The following NAT1 variants were observed in gnomAD, a reference collection of about 807,000 sequenced individuals.
NAT1 encodes the protein N-acetyltransferase 1, also known as arylamine N-acetyltransferase 1.
For missense variants in NAT1, 400 were observed against 339.2 expected (o/e 1.18, Z -1.41); for synonymous variants, 144 against 122.6 (o/e 1.17, Z -1.16).
chr8:18,184,423 G>A (rs986954259), intron 2 of NAT1, among the ~76,000 whole-genome samples: 1 of 152,126 alleles, frequency 6.6e-6, no homozygotes, highest in Non-Finnish European at 1.5e-5. Context: ...TGTGATTAGA[G>A]GGGCAGCCTT....
Position 18,223,008 on chromosome 8 carries a change from C to T in NAT1, c.*88C>T. 1 of 1,083,578 alleles carries T rather than the reference C, an allele frequency of 9.2e-7. No homozygotes were observed. The highest frequency in any genetic ancestry group is 1.2e-6 in the Non-Finnish European group (1 of 818,552). 67.1% of individuals were successfully genotyped at this position (1,083,578 alleles called of 1,614,324 possible). On this transcript the variant is annotated 3_prime_UTR_variant, in exon 3 of 3. Coordinates refer to ENST00000307719, the MANE Select transcript of NAT1 (RefSeq NM_000662.8). The stretch of plus-strand genomic sequence containing the variant: ...TATCATGTATCTTCTGTACCCTTAC[C>T]TTATTTTGAAGAAAATCCTAGACAT...
chr8:18,213,570 T>C (rs913977685), intron 1 of NAT1, among the ~76,000 whole-genome samples: 5 of 152,128 alleles, frequency 3.3e-5, no homozygotes, highest in Non-Finnish European at 7.4e-5. Context: ...ATAGCTTTTC[T>C]TTGTCTCACT....
At chr8:18,219,623 A>G in intron 2 of NAT1, 134 bp downstream of exon 2, 1 of 562,508 alleles carries the variant, frequency 1.8e-6, no homozygotes, top group Non-Finnish European at 3.2e-6. Context: ...AAGTGGATAT[A>G]TAAAGCTAAT....
intron 2 of NAT1, among the ~76,000 whole-genome samples, chr8:18,190,401 T>C (rs183208178): frequency 1.1e-4 from 17 of 152,262 alleles, no homozygotes; most frequent in African/African-American, 1.9e-4. Context: ...AGTATTTAAA[T>C]TGTGGCCACA....
chr8:18,208,325 C>A (rs1242580204), upstream of NAT1, among the ~76,000 whole-genome samples: 1 of 151,916 alleles, frequency 6.6e-6, no homozygotes, highest in Admixed American at 6.6e-5. Flanking sequence ...AAAAAATAAG[C>A]CTAAAAGGAA....
chr8:18,206,736 G>A (rs529901995), upstream of NAT1, among the ~76,000 whole-genome samples: 19 of 152,098 alleles, frequency 1.2e-4, no homozygotes, highest in African/African-American at 3.4e-4. Context: ...TGGATAGATT[G>A]CAAAAATTTT....
intron 2 of NAT1, among the ~76,000 whole-genome samples, chr8:18,177,245 C>A (rs559781975): frequency 6.6e-6 from 1 of 151,916 alleles, no homozygotes; most frequent in Non-Finnish European, 1.5e-5. Context: ...CCTCTTTTAC[C>A]TATCCCACTA....
intron 1 of NAT1, among the ~76,000 whole-genome samples, chr8:18,215,573 T>G (rs1804571220): frequency 6.6e-6 from 1 of 152,224 alleles, no homozygotes; most frequent in African/African-American, 2.4e-5. Context: ...TTTAGCTGTT[T>G]TTTATTGAGT....
intron 2 of NAT1, among the ~76,000 whole-genome samples, chr8:18,176,410 T>C (rs1299411302): frequency 6.6e-6 from 1 of 152,154 alleles, no homozygotes; most frequent in Non-Finnish European, 1.5e-5. Context: ...TGCATATGAG[T>C]GTGAGATAAG....
chr8:18,180,947 A>G (rs1454079464), intron 2 of NAT1, among the ~76,000 whole-genome samples: 2 of 152,050 alleles, frequency 1.3e-5, no homozygotes, highest in Non-Finnish European at 2.9e-5. Context: ...TGATGCTTCT[A>G]GTTATATTCT....
intron 2 of NAT1, among the ~76,000 whole-genome samples, chr8:18,181,046 A>T (rs1802491027): frequency 6.6e-6 from 1 of 151,970 alleles, no homozygotes; most frequent in Admixed American, 6.6e-5. Flanking sequence ...GAAGTATGTC[A>T]TTGGTATTTT....
chr8:18,187,479 A>G (rs141076100), intron 2 of NAT1, among the ~76,000 whole-genome samples: 157 of 152,308 alleles, frequency 1.0e-3, no homozygotes, highest in African/African-American at 3.6e-3. Context: ...TGGCTTTTAA[A>G]AATGTGTATG....
chr8:18,211,727 G>A (rs1357117114), intron 1 of NAT1, among the ~76,000 whole-genome samples: 1 of 152,180 alleles, frequency 6.6e-6, no homozygotes, highest in Non-Finnish European at 1.5e-5. Flanking sequence ...GCTGGCTTAG[G>A]AGGGGGCTAG....
intron 1 of NAT1, among the ~76,000 whole-genome samples, chr8:18,217,365 G>A (rs1450749911): frequency 6.6e-6 from 1 of 152,220 alleles, no homozygotes; most frequent in Non-Finnish European, 1.5e-5. Flanking sequence ...GGTAAGCACA[G>A]CTGAAGTTTG....
At chr8:18,171,460 A>G (rs1451197844) in intron 2 of NAT1, among the ~76,000 whole-genome samples, 1 of 152,212 alleles carries the variant, frequency 6.6e-6, no homozygotes, top group African/African-American at 2.4e-5. Context: ...AGAGGGGTGC[A>G]GTTTGACCGA....
chr8:18,193,494 A>T (rs896607157), intron 2 of NAT1, among the ~76,000 whole-genome samples: 4 of 87,670 alleles, frequency 4.6e-5, no homozygotes, highest in Non-Finnish European at 7.3e-5. Flanking sequence ...ATAATCTGAT[A>T]TATATATATA....
At chr8:18,210,553 A>G (rs778635088) in intron 1 of NAT1, among the ~76,000 whole-genome samples, 4 of 152,240 alleles carry the variant, frequency 2.6e-5, no homozygotes, top group Non-Finnish European at 5.9e-5. Flanking sequence ...TGTTTAAGGC[A>G]ACTTTCTCAA....
At chr8:18,199,521 C>A (rs937327333) in intron 2 of NAT1, among the ~76,000 whole-genome samples, 3 of 151,946 alleles carry the variant, frequency 2.0e-5, no homozygotes, top group African/African-American at 7.3e-5. Context: ...GCCATCCGTC[C>A]CCTTTAAGGA....
At chr8:18,189,893 G>T (rs559213584) in intron 2 of NAT1, among the ~76,000 whole-genome samples, 114 of 152,206 alleles carry the variant, frequency 7.5e-4, no homozygotes, top group African/African-American at 2.7e-3. Flanking sequence ...GGGTTCAAGC[G>T]ATTCTCCTGC....
Sources: gnomAD v4.1 joint callset for allele counts (sites outside exome capture counted in the v4.1 genomes callset) on GRCh38, gnomAD v4.1.1 for gene constraint, MANE v1.5 for transcripts, NCBI Gene and HGNC (gene_info 2026-07-23, HGNC 2026-07-21) for gene names.